Variants in CLCN4 observed in about 807,000 individuals in gnomAD.
CLCN4 encodes H(+)/Cl(-) exchange transporter 4.
Under a neutral mutation model 41.7 loss-of-function variants are expected in CLCN4, and 1 was observed. The observed-to-expected ratio is 0.02, with a 90% confidence interval of 0.01 to 0.11. CLCN4 has a LOEUF of 0.11. CLCN4 is among the 10% of genes least tolerant of loss of function. CLCN4 has a pLI of 1.00. For synonymous variants in CLCN4, 277 were observed against 285.8 expected (o/e 0.97, Z 0.31); for missense variants, 287 against 661.0 (o/e 0.43, Z 6.20).
At chrX:10,176,049 T>C (rs1462425647) in intron 2 of CLCN4, among the ~76,000 whole-genome samples, 2 of 110,625 alleles carry the variant, frequency 1.8e-5, no homozygotes, top group African/African-American at 3.3e-5. Context: ...GATGGTGACA[T>C]CCTTTAGTTG....
Position 10,200,487 on chromosome X carries a change from C to G in CLCN4, c.555+2426C>G, listed in dbSNP as rs1321120006. On this transcript the variant is annotated intron_variant, in intron 6 of 12. Transcript: ENST00000380833. ...ATGGGGAATTGGTGGAAAATAGAAG[C>G]AGTAAGAGGCACACTGGGTAGTCCC... 4.5e-5 allele frequency among the ~76,000 whole-genome samples: 5 copies of G among 112,294 alleles called. No homozygotes were observed. In the East Asian group the frequency reaches 1.1e-3, roughly 25 times the overall value.
At chrX:10,198,826 G>C in intron 6 of CLCN4, among the ~76,000 whole-genome samples, 1 of 112,109 alleles carries the variant, frequency 8.9e-6, no homozygotes, top group African/African-American at 3.3e-5. Flanking sequence ...AAAAGTTCTG[G>C]TATTATCACT....
intron 2 of CLCN4, among the ~76,000 whole-genome samples, chrX:10,162,526 A>C (rs1295799502): frequency 8.9e-6 from 1 of 112,657 alleles, no homozygotes; most frequent in Non-Finnish European, 1.9e-5. Context: ...GATGTATACT[A>C]AAGTGTTTAG....
chrX:10,157,183 C>G (rs911709634), intron 1 of CLCN4, 83 bp downstream of exon 1: 4 of 286,375 alleles, frequency 1.4e-5, no homozygotes, highest in African/African-American at 2.8e-5. Flanking sequence ...TTTTTAAAAT[C>G]TGGTGTTGAA....
At chrX:10,182,077 T>G (rs1923699650) in intron 2 of CLCN4, among the ~76,000 whole-genome samples, 1 of 111,369 alleles carries the variant, frequency 9.0e-6, no homozygotes, top group African/African-American at 3.3e-5. Flanking sequence ...GTAGGAGAGA[T>G]GTTCTCTTGT....
chrX:10,158,313 C>T lies in CLCN4; in HGVS notation c.-250C>T. The stretch of plus-strand genomic sequence containing the variant: ...GGCCAGGCAAGCTGCACACATCAAG[C>T]GAAACGCCTGAGGGGCGGCCAGCGC... On this transcript the variant is annotated 5_prime_UTR_variant, in exon 2 of 13. Coordinates refer to ENST00000380833, the MANE Select transcript of CLCN4 (RefSeq NM_001830.4). 1.4e-5 allele frequency: 4 copies of T among 290,667 alleles called. No homozygotes were observed. 24.0% of individuals were successfully genotyped at this position (290,667 alleles called of 1,213,427 possible).
intron 4 of CLCN4, among the ~76,000 whole-genome samples, chrX:10,192,864 G>C (rs1985291435): frequency 8.9e-6 from 1 of 112,188 alleles, no homozygotes; most frequent in Admixed American, 9.4e-5. Context: ...AGAGATTTCA[G>C]AGGTGGAGCT....
At chrX:10,220,278 G>C (rs1297948707) in intron 11 of CLCN4, among the ~76,000 whole-genome samples, 1 of 112,079 alleles carries the variant, frequency 8.9e-6, no homozygotes, top group African/African-American at 3.2e-5. Context: ...AGCTAAGTAA[G>C]TTTCTTGTCA....
intron 2 of CLCN4, among the ~76,000 whole-genome samples, chrX:10,164,614 A>G (rs1358328020): frequency 1.8e-5 from 2 of 111,780 alleles, no homozygotes; most frequent in African/African-American, 3.3e-5. Context: ...GGTGAGTTGG[A>G]CTGAGGAGCT....
chrX:10,198,146 C>A, intron 6 of CLCN4, 85 bp downstream of exon 6: 2 of 920,974 alleles, frequency 2.2e-6, no homozygotes, highest in South Asian at 2.3e-5. Context: ...CAGTTCCAAG[C>A]GTTTTACTTC....
At position 10,158,392 on chromosome X, in the gene CLCN4, C is replaced by T. The variant is rs7877167; in HGVS notation, c.-171C>T. The stretch of plus-strand genomic sequence containing the variant: ...CCCGGGACTTCCAGGGTCTTCCCCC[C>T]ACCCCGCGCACACCTCCCTGCCTCG... On this transcript the variant is annotated 5_prime_UTR_variant, in exon 2 of 13. Transcript: ENST00000380833. 4 of 296,161 alleles carry T rather than the reference C, an allele frequency of 1.4e-5. No homozygotes were observed. The highest frequency in any genetic ancestry group is 6.1e-5 in the Admixed American group (1 of 16,504). The allele number at this position is 296,161 out of a possible 1,213,427, so 24.4% of individuals were successfully genotyped here.
chrX:10,228,691 CAA>C (rs1353525802), intron 12 of CLCN4, among the ~76,000 whole-genome samples: 1 of 111,510 alleles, frequency 9.0e-6, no homozygotes, highest in Non-Finnish European at 1.9e-5. Context: ...GAGTAATAGT[CAA>C]AGTGTTTAAG....
chrX:10,193,633 C>T (rs1924024421), intron 4 of CLCN4, among the ~76,000 whole-genome samples: 2 of 112,041 alleles, frequency 1.8e-5, no homozygotes, highest in African/African-American at 6.5e-5. Context: ...ACTTTTTCTG[C>T]AAGAGGCCAG....
rs1380198265 is a variant in CLCN4, at chrX:10,235,830, A to G, written c.*2246A>G. On this transcript the variant is annotated 3_prime_UTR_variant, in exon 13 of 13. Coordinates refer to ENST00000380833, the MANE Select transcript of CLCN4 (RefSeq NM_001830.4). ...AGTGTGACAATATCCAGTCAATAGTAGAGAATTTAATCCTTGGTCCTATAA... is the reference window on the plus strand; with the variant it reads ...AGTGTGACAATATCCAGTCAATAGTGGAGAATTTAATCCTTGGTCCTATAA... 1 of 112,722 alleles carries G rather than the reference A, an allele frequency of 8.9e-6. No homozygotes were observed. The highest frequency in any genetic ancestry group is 1.9e-5 in the Non-Finnish European group (1 of 53,380). 9.3% of individuals were successfully genotyped at this position (112,722 alleles called of 1,213,427 possible). A position where few individuals can be genotyped will look rare whatever the true frequency, so the allele number is the denominator to read the frequency against.
chrX:10,215,211 C>T (rs1047759709), intron 11 of CLCN4, among the ~76,000 whole-genome samples: 1 of 112,164 alleles, frequency 8.9e-6, no homozygotes, highest in Non-Finnish European at 1.9e-5. Flanking sequence ...ACATCTCCAC[C>T]AGGCAACTGC....
chrX:10,176,918 A>T (rs1463108256), intron 2 of CLCN4, among the ~76,000 whole-genome samples: 1 of 111,760 alleles, frequency 8.9e-6, no homozygotes, highest in Non-Finnish European at 1.9e-5. Context: ...GGCAGCACAA[A>T]GTGTAATGGC....
intron 5 of CLCN4, 68 bp from the exon 6 acceptor site, chrX:10,197,871 G>A: frequency 8.6e-7 from 1 of 1,168,581 alleles, no homozygotes. Flanking sequence ...AGATGGGGAG[G>A]GGTTGAGTCT....
chrX:10,212,735 G>C, intron 10 of CLCN4, 82 bp downstream of exon 10: 1 of 925,147 alleles, frequency 1.1e-6, no homozygotes, highest in Non-Finnish European at 1.5e-6. Flanking sequence ...ACATGGACTT[G>C]AACATTTTCT....
chrX:10,212,971 G>T (rs1924605263), intron 10 of CLCN4, among the ~76,000 whole-genome samples: 1 of 111,915 alleles, frequency 8.9e-6, no homozygotes, highest in Admixed American at 9.4e-5. Flanking sequence ...AAACGTTGTA[G>T]CTTAGCTTAG....
Sources: allele counts gnomAD v4.1 joint callset (sites outside exome capture counted in the v4.1 genomes callset), GRCh38; gene constraint gnomAD v4.1.1; transcripts MANE v1.5; gene names NCBI Gene and HGNC (gene_info 2026-07-23, HGNC 2026-07-21).